Variants in TEX22 observed in about 807,000 individuals in gnomAD.
TEX22 encodes testis-expressed protein 22.
Under a neutral mutation model 11.3 loss-of-function variants are expected in TEX22, and 16 were observed. The observed-to-expected ratio is 1.42, with a 90% CI of 0.96 to 2.15. TEX22 has a LOEUF of 2.15. TEX22 is among the 30% of genes most tolerant of loss of function. The pLI, the probability that TEX22 is intolerant of heterozygous loss-of-function variation, is 0.00. For missense variants in TEX22, 220 were observed against 208.6 expected, an observed-to-expected ratio of 1.05 and a Z score of -0.34; for synonymous variants, 97 against 92.3, an observed-to-expected ratio of 1.05 and a Z score of -0.29.
intron 2 of TEX22, among the ~76,000 whole-genome samples, chr14:105,403,884 T>A (rs2141357803): frequency 6.6e-6 from 1 of 152,372 alleles, no homozygotes; most frequent in South Asian, 2.1e-4. Flanking sequence ...AGGGTCTCAC[T>A]ATGTTACCTA....
intron 2 of TEX22, among the ~76,000 whole-genome samples, chr14:105,403,524 G>C (rs985519514): frequency 6.6e-6 from 1 of 152,220 alleles, no homozygotes; most frequent in South Asian, 2.1e-4. Flanking sequence ...CTGGACTCCA[G>C]CTATCCTCCC....
At chr14:105,407,726 A>G (rs782534477) in intron 2 of TEX22, among the ~76,000 whole-genome samples, 11 of 152,144 alleles carry the variant, frequency 7.2e-5, no homozygotes, top group Non-Finnish European at 1.0e-4. Flanking sequence ...TTCACTCAGG[A>G]CTTAATTAGA....
At position 105,408,322 on chromosome 14, in the gene TEX22, A is replaced by T. The variant is rs150887553; in HGVS notation, c.151-3046A>T. Among the ~76,000 whole-genome samples the T allele has an allele frequency of 1.0e-3, 152 of 150,984 alleles. 4 individuals carry two copies. The East Asian group carries it at 0.019, about 19-fold the overall frequency. Reference sequence around the variant, plus strand: ...AGTGGCGTGATCTTGGCTCACTGCAACCTCCGCCTCCGGGGTTCAAGTGGT... The same window carrying T: ...AGTGGCGTGATCTTGGCTCACTGCATCCTCCGCCTCCGGGGTTCAAGTGGT... On this transcript the variant is annotated intron_variant, in intron 2 of 3. Transcript: ENST00000451127.
Position 105,399,485 on chromosome 14 carries a change from G to A in TEX22, c.145G>A (p.Asp49Asn). The change falls in exon 2 of 4, where the codon GAC (aspartate) becomes AAC (asparagine). Residue 49 changes from aspartate to asparagine, a missense_variant. Asp to Asn is a conservative substitution (Grantham distance 23). Transcript: ENST00000451127. ...SSVQQGLQTQ[D>N]WVCEPPERRR... The stretch of plus-strand genomic sequence containing the variant: ...CGTTCAGCAGGGACTGCAGACTCAG[G>A]ACTGGGTAAGCGGAAGGAAACCCTG... 28 of 1,532,758 alleles carry A rather than the reference G, an allele frequency of 1.8e-5. No individual in the cohort carries two copies. Among genetic ancestry groups the A allele is most frequent in the Non-Finnish European group, 2.4e-5 (28 of 1,144,942 alleles). The allele number at this position is 1,532,758 out of a possible 1,614,324, so 94.9% of individuals were successfully genotyped here.
chr14:105,410,760 C>G (rs782501206), intron 2 of TEX22, among the ~76,000 whole-genome samples: 1 of 152,134 alleles, frequency 6.6e-6, no homozygotes, highest in Non-Finnish European at 1.5e-5. Flanking sequence ...CTCCTGCAGC[C>G]CACGTGGGAA....
intron 2 of TEX22, among the ~76,000 whole-genome samples, chr14:105,408,480 A>G (rs184385614): frequency 1.3e-5 from 2 of 150,768 alleles, no homozygotes; most frequent in African/African-American, 2.4e-5. Flanking sequence ...CTGGAGTGCA[A>G]TGGCATGATC....
Position 105,399,460 on chromosome 14 carries a change from C to T in TEX22, c.120C>T (p.Ser40=), listed in dbSNP as rs2081611558. 1.3e-6 allele frequency: 2 copies of T among 1,535,454 alleles called. No individual in the cohort carries two copies. The highest frequency in any genetic ancestry group is 2.0e-5 in the Admixed American group (1 of 50,950). The change falls in exon 2 of 4, where the codon AGC becomes AGT. Residue 40 remains serine, a synonymous_variant. Transcript: ENST00000451127. ...AAWGQPSIQS[S]VQQGLQTQDW... The stretch of plus-strand genomic sequence containing the variant: ...GGGGCCAGCCCAGTATCCAGAGCAG[C>T]GTTCAGCAGGGACTGCAGACTCAGG...
Position 105,403,063 on chromosome 14 carries a change from C to T in TEX22, c.150+3573C>T, listed in dbSNP as rs145643361. Among the ~76,000 whole-genome samples, 33 of 152,176 alleles carry T rather than the reference C, an allele frequency of 2.2e-4. No individual in the cohort carries two copies. In the East Asian group the frequency reaches 3.5e-3, roughly 16 times the overall value. On this transcript the variant is annotated intron_variant, in intron 2 of 3. Coordinates refer to ENST00000451127, the MANE Select transcript of TEX22 (RefSeq NM_001195082.2). ...TGAGAAGAGATCATTTATTGAAAGCCGCTCCACTGCAGAGCAGGGCATCCT... is the reference window on the plus strand; with the variant it reads ...TGAGAAGAGATCATTTATTGAAAGCTGCTCCACTGCAGAGCAGGGCATCCT...
At chr14:105,406,935 G>T (rs1555418916) in intron 2 of TEX22, among the ~76,000 whole-genome samples, 2 of 152,092 alleles carry the variant, frequency 1.3e-5, no homozygotes, top group South Asian at 2.1e-4. Flanking sequence ...GCACGGTCAT[G>T]GTTTGGGGAC....
intron 2 of TEX22, among the ~76,000 whole-genome samples, chr14:105,402,568 C>G (rs991910275): frequency 6.6e-6 from 1 of 151,722 alleles, no homozygotes; most frequent in Admixed American, 6.6e-5. Flanking sequence ...TCCTGGCTAA[C>G]ACGGTGAAAC....
At chr14:105,410,468 C>T (rs922747826) in intron 2 of TEX22, among the ~76,000 whole-genome samples, 7 of 152,226 alleles carry the variant, frequency 4.6e-5, no homozygotes, top group Non-Finnish European at 1.0e-4. Context: ...AACCTGGATT[C>T]CTTCCACATT....
At chr14:105,407,350 G>A (rs1472928802) in intron 2 of TEX22, among the ~76,000 whole-genome samples, 2 of 151,896 alleles carry the variant, frequency 1.3e-5, no homozygotes, top group African/African-American at 4.8e-5. Flanking sequence ...TTACAGGCAT[G>A]AGCCACCATG....
chr14:105,410,410 C>A lies in TEX22; in HGVS notation c.151-958C>A, dbSNP rs191795359. Reference sequence around the variant, plus strand: ...TACTTTTTAAGGCTTAATAATATTCCATTTTCTGGATCTGCCACATTTTCT... The same window carrying A: ...TACTTTTTAAGGCTTAATAATATTCAATTTTCTGGATCTGCCACATTTTCT... On this transcript the variant is annotated intron_variant, in intron 2 of 3. Transcript: ENST00000451127. Among the ~76,000 whole-genome samples the A allele has an allele frequency of 3.6e-3, 553 of 152,320 alleles. 1 individual carries two copies. The highest frequency in any genetic ancestry group is 6.1e-3 in the Non-Finnish European group (418 of 68,032).
chr14:105,408,947 C>T (rs1396626740), intron 2 of TEX22, among the ~76,000 whole-genome samples: 3 of 140,220 alleles, frequency 2.1e-5, no homozygotes, highest in African/African-American at 7.8e-5. Flanking sequence ...GTTCCCCCCT[C>T]CTCCCCCTCC....
chr14:105,406,404 AT>A (rs2081658738), intron 2 of TEX22, among the ~76,000 whole-genome samples: 1 of 152,202 alleles, frequency 6.6e-6, no homozygotes, highest in South Asian at 2.1e-4. Flanking sequence ...TGAGGAAACT[AT>A]TTTTAAAACT....
At chr14:105,401,126 G>A (rs975212232) in intron 2 of TEX22, among the ~76,000 whole-genome samples, 29 of 152,282 alleles carry the variant, frequency 1.9e-4, no homozygotes, top group African/African-American at 2.9e-4. Context: ...GCACACTTCC[G>A]CCTGCCAGGA....
rs1185854145 is a variant in TEX22, at chr14:105,413,129, C to CCCTAGG, written c.*1297_*1302dup. The CCCTAGG allele has an allele frequency of 6.6e-6, 1 of 152,260 alleles. No individual in the cohort carries two copies. The highest frequency in any genetic ancestry group is 1.5e-5 in the Non-Finnish European group (1 of 68,068). The allele number at this position is 152,260 out of a possible 1,614,324, so 9.4% of individuals were successfully genotyped here. A position where few individuals can be genotyped will look rare whatever the true frequency, so the allele number is the denominator to read the frequency against. On this transcript the variant is annotated 3_prime_UTR_variant, in exon 4 of 4. Transcript: ENST00000451127. This position sits in a 1 kb window ranked among gnomAD's most constrained non-coding sequence, Gnocchi z 4.2. Reference sequence around the variant, plus strand: ...AGTCCTCTGAATGTCATTTGGTGCACCCTAGGGATCCTCTGCATTTCTCAG... The same window carrying CCCTAGG: ...AGTCCTCTGAATGTCATTTGGTGCACCCTAGGCCTAGGGATCCTCTGCATTTCTCAG...
intron 2 of TEX22, among the ~76,000 whole-genome samples, chr14:105,410,324 G>A (rs1555419204): frequency 6.6e-6 from 1 of 152,108 alleles, no homozygotes; most frequent in Admixed American, 6.5e-5. Flanking sequence ...TGATCTACTC[G>A]CCTCGGCCTC....
chr14:105,399,279 C>A, intron 1 of TEX22, 23 bp from the exon 2 acceptor site: 1 of 1,308,114 alleles, frequency 7.6e-7, no homozygotes, highest in Non-Finnish European at 1.0e-6. Context: ...CCCCGCCCCA[C>A]CTCCCCCTGC....
Sources: allele counts gnomAD v4.1 joint callset (sites outside exome capture counted in the v4.1 genomes callset), GRCh38; gene constraint gnomAD v4.1.1; non-coding constraint Gnocchi (gnomAD v3.1); transcripts MANE v1.5; gene names NCBI Gene and HGNC (gene_info 2026-07-23, HGNC 2026-07-21).